Variants in ADAM22 observed in about 807,000 individuals in gnomAD.
The protein encoded by ADAM22 is ADAM metallopeptidase domain 22.
ADAM22 carries 65 observed loss-of-function variants against 144.6 expected under a neutral mutation model. That is an observed-to-expected ratio of 0.45 (90% CI 0.37 to 0.55). ADAM22 has a LOEUF of 0.55. Ranked by LOEUF, ADAM22 falls within the 20% of genes least tolerant of loss-of-function variation. The pLI is 0.00. For synonymous variants in ADAM22, 391 were observed against 412.6 expected, an observed-to-expected ratio of 0.95 and a Z score of 0.63; for missense variants, 974 against 1,184.9, an observed-to-expected ratio of 0.82 and a Z score of 2.61.
intron 4 of ADAM22, among the ~76,000 whole-genome samples, chr7:88,084,618 C>A (rs1299001306): frequency 6.6e-6 from 1 of 152,132 alleles, no homozygotes; most frequent in Non-Finnish European, 1.5e-5. Flanking sequence ...TGAGATGTTT[C>A]TTTTTACATG....
intron 3 of ADAM22, among the ~76,000 whole-genome samples, chr7:88,024,056 C>CTA (rs909641527): frequency 6.6e-5 from 10 of 152,178 alleles, no homozygotes; most frequent in Middle Eastern, 3.4e-3. Flanking sequence ...GTACTCCTTG[C>CTA]TATATATATA....
intron 4 of ADAM22, among the ~76,000 whole-genome samples, chr7:88,087,632 G>A (rs1050025954): frequency 1.3e-5 from 2 of 152,132 alleles, no homozygotes; most frequent in African/African-American, 4.8e-5. Context: ...ACCAATGAAA[G>A]ATCATGACAG....
intron 3 of ADAM22, among the ~76,000 whole-genome samples, chr7:88,048,394 A>G (rs976496589): frequency 2.0e-5 from 3 of 152,140 alleles, no homozygotes; most frequent in Non-Finnish European, 2.9e-5. Context: ...TGGTGACTAG[A>G]AATATATCCT....
chr7:88,148,325 A>C (rs968068126), intron 17 of ADAM22, among the ~76,000 whole-genome samples: 1 of 152,200 alleles, frequency 6.6e-6, no homozygotes, highest in Non-Finnish European at 1.5e-5. Flanking sequence ...CATTTTAATG[A>C]GTACTCCTGC....
intron 2 of ADAM22, among the ~76,000 whole-genome samples, chr7:87,945,782 G>C (rs1336141020): frequency 6.6e-6 from 1 of 152,062 alleles, no homozygotes; most frequent in Non-Finnish European, 1.5e-5. Flanking sequence ...CAAAGTGCTA[G>C]GATTACAGGC....
intron 3 of ADAM22, among the ~76,000 whole-genome samples, chr7:88,050,573 C>G (rs1159678227): frequency 6.6e-6 from 1 of 151,548 alleles, no homozygotes; most frequent in Non-Finnish European, 1.5e-5. Flanking sequence ...CCTTAACTTA[C>G]CTGATTTTTC....
chr7:88,051,059 A>C (rs141461293), intron 3 of ADAM22, among the ~76,000 whole-genome samples: 5 of 152,094 alleles, frequency 3.3e-5, no homozygotes, highest in Non-Finnish European at 7.4e-5. Context: ...ACAACAGGTG[A>C]TGGAGAGGAT....
chr7:88,125,717 T>G (rs987548255), intron 8 of ADAM22, 58 bp downstream of exon 8: 9 of 1,369,318 alleles, frequency 6.6e-6, no homozygotes, highest in African/African-American at 1.5e-5. Context: ...CTGCCAGTCA[T>G]TTGAATCTAC....
At position 88,137,353 on chromosome 7, in the gene ADAM22, A is replaced by C. The variant is rs560657505; in HGVS notation, c.1220+1322A>C. ...TTAACTTCATTATTTAGATGCCCAT[A>C]ATCTTTCTTCATTTTCATTTGCAAT... On this transcript the variant is annotated intron_variant, in intron 14 of 31. Coordinates refer to ENST00000413139, the MANE Select transcript of ADAM22 (RefSeq NM_001324418.2). Among the ~76,000 whole-genome samples, 132 of 152,222 alleles carry C rather than the reference A, an allele frequency of 8.7e-4. No homozygotes were observed. In the Middle Eastern group the frequency reaches 0.014, roughly 16 times the overall value.
chr7:88,177,842 C>G (rs970121012), intron 26 of ADAM22, among the ~76,000 whole-genome samples: 7 of 151,848 alleles, frequency 4.6e-5, no homozygotes, highest in African/African-American at 1.5e-4. Context: ...AAGGAGAAAC[C>G]AAATAAGAAA....
intron 2 of ADAM22, among the ~76,000 whole-genome samples, chr7:87,946,592 G>A (rs1473459663): frequency 6.6e-6 from 1 of 152,192 alleles, no homozygotes; most frequent in Non-Finnish European, 1.5e-5. Flanking sequence ...TCCCAGCATT[G>A]TTTATTGAAG....
At chr7:88,107,756 C>CA (rs1195719645) in intron 4 of ADAM22, among the ~76,000 whole-genome samples, 1 of 150,324 alleles carries the variant, frequency 6.7e-6, no homozygotes, top group Non-Finnish European at 1.5e-5. Context: ...CAGCTAATTT[C>CA]AATTTTTTTT....
At chr7:88,148,724 G>A (rs1173823628) in intron 17 of ADAM22, among the ~76,000 whole-genome samples, 1 of 152,138 alleles carries the variant, frequency 6.6e-6, no homozygotes, top group Non-Finnish European at 1.5e-5. Flanking sequence ...TAACTGGCCT[G>A]TCTTGTGGAA....
At chr7:87,972,793 T>C (rs1222265942) in intron 2 of ADAM22, among the ~76,000 whole-genome samples, 5 of 152,060 alleles carry the variant, frequency 3.3e-5, no homozygotes, top group African/African-American at 1.2e-4. Context: ...ACACCGCATA[T>C]CTACAACTAT....
intron 22 of ADAM22, among the ~76,000 whole-genome samples, chr7:88,162,095 A>AATACAC: frequency 1.9e-5 from 1 of 52,634 alleles, no homozygotes; most frequent in South Asian, 1.4e-3. Flanking sequence ...GAAAATGTGT[A>AATACAC]ATACACACAC....
chr7:87,959,697 A>G (rs1464821218), intron 2 of ADAM22, among the ~76,000 whole-genome samples: 1 of 152,224 alleles, frequency 6.6e-6, no homozygotes, highest in East Asian at 1.9e-4. Context: ...GATCTAGAAG[A>G]AAGGGCTTCT....
chr7:88,065,270 A>G (rs1810939826), intron 3 of ADAM22, among the ~76,000 whole-genome samples: 1 of 152,042 alleles, frequency 6.6e-6, no homozygotes, highest in South Asian at 2.1e-4. Context: ...AAAGAACCAT[A>G]TTACCTGTTA....
At chr7:88,152,789 C>A (rs1838819337) in intron 20 of ADAM22, among the ~76,000 whole-genome samples, 1 of 152,040 alleles carries the variant, frequency 6.6e-6, no homozygotes, top group African/African-American at 2.4e-5. Flanking sequence ...AGCGATTTCC[C>A]TGCCTCAGCC....
At chr7:88,134,185 G>C (rs771688646) in intron 12 of ADAM22, 144 bp from the exon 13 acceptor site, 3 of 556,194 alleles carry the variant, frequency 5.4e-6, no homozygotes, top group African/African-American at 2.0e-5. Context: ...TGCATATTCA[G>C]TGCTGGCTAC....
Sources: allele counts gnomAD v4.1 joint callset (sites outside exome capture counted in the v4.1 genomes callset), GRCh38; gene constraint gnomAD v4.1.1; transcripts MANE v1.5; gene names NCBI Gene and HGNC (gene_info 2026-07-23, HGNC 2026-07-21).